Variants in CLIC5 observed in about 807,000 individuals in gnomAD.
CLIC5 encodes chloride intracellular channel protein 5.
CLIC5 carries 20 observed loss-of-function variants against 24.7 expected under a neutral mutation model. That is an observed-to-expected ratio of 0.81 (90% CI 0.57 to 1.18). CLIC5 has a LOEUF of 1.18. CLIC5 is among the 50% of genes most tolerant of loss of function. CLIC5 has a pLI of 0.00. For missense variants in CLIC5, 341 were observed against 326.1 expected (o/e 1.05, Z -0.35); for synonymous variants, 159 against 135.6 (o/e 1.17, Z -1.20).
chr6:45,935,850 A>C (rs937141191), intron 4 of CLIC5, among the ~76,000 whole-genome samples: 6 of 152,128 alleles, frequency 3.9e-5, no homozygotes, highest in African/African-American at 1.4e-4. Flanking sequence ...ATATCCAAGA[A>C]CACTTTCAGG....
chr6:46,104,492 G>C, the CLIC5 span, among the ~76,000 whole-genome samples: 1 of 151,800 alleles, frequency 6.6e-6, no homozygotes, highest in East Asian at 1.9e-4. Flanking sequence ...GTTAGTCTAT[G>C]GCAACAAGAG....
At chr6:45,919,324 G>A (rs367806305) in intron 4 of CLIC5, among the ~76,000 whole-genome samples, 3 of 152,140 alleles carry the variant, frequency 2.0e-5, no homozygotes, top group Admixed American at 6.5e-5. Context: ...GCTTTGGAAA[G>A]CGAATACAGG....
intron 1 of CLIC5, among the ~76,000 whole-genome samples, chr6:45,965,503 C>A (rs1764987922): frequency 6.6e-6 from 1 of 152,208 alleles, no homozygotes; most frequent in Non-Finnish European, 1.5e-5. Context: ...TTTCACAGCT[C>A]TTTAAGGTAC....
At chr6:46,051,934 C>T (rs984004101) in intron 1 of CLIC5, among the ~76,000 whole-genome samples, 1 of 152,282 alleles carries the variant, frequency 6.6e-6, no homozygotes, top group Admixed American at 6.5e-5. Flanking sequence ...ATCATCTCCA[C>T]AAAGTAAATC....
rs1763662776 is a variant in CLIC5, at chr6:45,929,947, TG to T, written c.406+11599del. 4.6e-5 allele frequency among the ~76,000 whole-genome samples: 7 copies of T among 152,002 alleles called. No homozygotes were observed. In the East Asian group the frequency reaches 1.4e-3, roughly 29 times the overall value. ...GAAGGGGGGTGCCGCATCCATCCCC[TG>T]GATGGCCAGGCCCTCCAGACAGGGC... On this transcript the variant is annotated intron_variant, in intron 4 of 5. Coordinates refer to ENST00000339561, the MANE Select transcript of CLIC5 (RefSeq NM_016929.5).
chr6:45,997,847 A>T (rs1766208225), intron 1 of CLIC5, among the ~76,000 whole-genome samples: 1 of 152,254 alleles, frequency 6.6e-6, no homozygotes, highest in Admixed American at 6.5e-5. Context: ...AAGTAAGTTA[A>T]CCAAAGCCAG....
intron 1 of CLIC5, among the ~76,000 whole-genome samples, chr6:45,993,857 C>T (rs1766032863): frequency 6.6e-6 from 1 of 152,172 alleles, no homozygotes; most frequent in Non-Finnish European, 1.5e-5. Context: ...ATAGCAAGCC[C>T]TGCGGAAATC....
chr6:45,912,522 G>C, intron 5 of CLIC5: 2 of 1,367,400 alleles, frequency 1.5e-6, no homozygotes, highest in Non-Finnish European at 1.9e-6. Context: ...AGGGAAAGAA[G>C]AAAGGAAAAG....
chr6:46,099,337 G>A, the CLIC5 span, among the ~76,000 whole-genome samples: 5 of 152,190 alleles, frequency 3.3e-5, no homozygotes, highest in East Asian at 1.9e-4. Context: ...TGTAGCCCCC[G>A]ACTGTGGTAA....
chr6:45,975,652 T>C (rs1765360527), intron 1 of CLIC5, among the ~76,000 whole-genome samples: 1 of 152,090 alleles, frequency 6.6e-6, no homozygotes, highest in Non-Finnish European at 1.5e-5. Flanking sequence ...AAAAAAATCT[T>C]GAAATGTGCT....
intron 1 of CLIC5, among the ~76,000 whole-genome samples, chr6:46,056,223 A>G (rs1188428079): frequency 1.3e-5 from 2 of 152,060 alleles, no homozygotes; most frequent in Non-Finnish European, 2.9e-5. Flanking sequence ...CCCCTCTTGT[A>G]TGGTGTTTTT....
the CLIC5 span, among the ~76,000 whole-genome samples, chr6:46,105,848 C>G: frequency 1.3e-5 from 2 of 152,182 alleles, no homozygotes; most frequent in Non-Finnish European, 2.9e-5. Context: ...TTGGGAAGTT[C>G]TGACAGTGAT....
intron 4 of CLIC5, among the ~76,000 whole-genome samples, chr6:45,929,170 A>C (rs532921205): frequency 6.6e-6 from 1 of 152,014 alleles, no homozygotes; most frequent in East Asian, 1.9e-4. Flanking sequence ...GCCACCACCA[A>C]CCGCCTTCCT....
At chr6:45,986,234 C>A (rs1765731202) in intron 1 of CLIC5, among the ~76,000 whole-genome samples, 1 of 152,182 alleles carries the variant, frequency 6.6e-6, no homozygotes, top group Admixed American at 6.5e-5. Context: ...GAGATCCTGA[C>A]ACACCATCAT....
intron 1 of CLIC5, among the ~76,000 whole-genome samples, chr6:46,013,080 T>A (rs1327866311): frequency 6.6e-6 from 1 of 152,188 alleles, no homozygotes; most frequent in Non-Finnish European, 1.5e-5. Flanking sequence ...TAGGTGACTG[T>A]GATTTAGAGT....
At chr6:46,024,491 C>T (rs1379959537) in intron 1 of CLIC5, among the ~76,000 whole-genome samples, 2 of 151,988 alleles carry the variant, frequency 1.3e-5, no homozygotes, top group Non-Finnish European at 2.9e-5. Context: ...TTGAACTATC[C>T]CACCACCACT....
At chr6:46,034,780 T>C (rs1364671777) in intron 1 of CLIC5, among the ~76,000 whole-genome samples, 1 of 152,138 alleles carries the variant, frequency 6.6e-6, no homozygotes, top group East Asian at 1.9e-4. Context: ...ATCTCAAAAC[T>C]TCTTATAGCA....
intron 1 of CLIC5, among the ~76,000 whole-genome samples, chr6:46,038,151 A>C (rs1767713278): frequency 1.3e-5 from 2 of 152,218 alleles, no homozygotes; most frequent in Non-Finnish European, 2.9e-5. Context: ...CCAGGAGCTC[A>C]CTTGATCCTA....
chr6:46,008,228 T>C (rs1581856240), intron 1 of CLIC5, among the ~76,000 whole-genome samples: 2 of 152,202 alleles, frequency 1.3e-5, no homozygotes, highest in South Asian at 2.1e-4. Flanking sequence ...CTATTTCCAA[T>C]TGCTCCTTTC....
Sources: allele counts gnomAD v4.1 joint callset (sites outside exome capture counted in the v4.1 genomes callset), GRCh38; gene constraint gnomAD v4.1.1; transcripts MANE v1.5; gene names NCBI Gene and HGNC (gene_info 2026-07-23, HGNC 2026-07-21).